The following FAM193A variants were observed in gnomAD, a reference collection of about 807,000 sequenced individuals.
FAM193A encodes the protein family with sequence similarity 193 member A.
A neutral mutation model predicts 126.5 loss-of-function variants in FAM193A; 22 were observed. The ratio of observed to expected loss-of-function variants is 0.17; its 90% CI spans 0.12 to 0.25. The LOEUF (loss-of-function observed/expected upper bound fraction) is 0.25. FAM193A is among the 10% of genes least tolerant of loss of function. The probability of loss-of-function intolerance (pLI) is 1.00; values close to 1 mark genes in which losing one functional copy is unlikely to be tolerated. For missense variants in FAM193A, 1,675 were observed against 1,672.8 expected, an observed-to-expected ratio of 1.00 and a Z score of -0.02; for synonymous variants, 761 against 646.8, an observed-to-expected ratio of 1.18 and a Z score of -2.68.
chr4:2,722,488 G>T (rs2109403531), intron 20 of FAM193A, among the ~76,000 whole-genome samples: 1 of 152,320 alleles, frequency 6.6e-6, no homozygotes, highest in Admixed American at 6.5e-5. Context: ...TGTCCAGAAG[G>T]GGCTGGGGGA....
chr4:2,658,590 C>A (rs1266573276), intron 8 of FAM193A, among the ~76,000 whole-genome samples: 1 of 152,174 alleles, frequency 6.6e-6, no homozygotes, highest in Non-Finnish European at 1.5e-5. Flanking sequence ...CTTCATTGGT[C>A]TTTCTGCAAA....
At chr4:2,625,788 G>A (rs1485159442) in intron 3 of FAM193A, among the ~76,000 whole-genome samples, 1 of 148,504 alleles carries the variant, frequency 6.7e-6, no homozygotes, top group African/African-American at 2.5e-5. Flanking sequence ...GGGCAGTGGC[G>A]TGATCTCCGC....
At chr4:2,594,830 T>TC in intron 1 of FAM193A, among the ~76,000 whole-genome samples, 1 of 129,968 alleles carries the variant, frequency 7.7e-6, no homozygotes, top group African/African-American at 3.0e-5. Flanking sequence ...CTTTTTTTTT[T>TC]TTTTTTTTTT....
chr4:2,652,873 G>A (rs1284250285), intron 7 of FAM193A, among the ~76,000 whole-genome samples: 4 of 152,214 alleles, frequency 2.6e-5, no homozygotes, highest in Non-Finnish European at 5.9e-5. Flanking sequence ...GAAAGAGAAG[G>A]AAGATGAACC....
rs756156530 is a variant in FAM193A, at chr4:2,662,876, A to T, written c.1784A>T (p.Lys595Ile). Residue 595 changes from lysine (K) to isoleucine (I), a missense_variant, in exon 11 of 21, where the codon AAA becomes ATA. Around this residue, in one of 4 missense-constraint regions of FAM193A, gnomAD observed 1,186 missense variants for 1,109.2 expected, o/e 1.07. Transcript: ENST00000637812. Reference sequence around the variant, plus strand: ...GAAGATGTTGCACCATTGTCAGCCAAATTTGCTGATATTTATCCATTGAGT... The same window carrying T: ...GAAGATGTTGCACCATTGTCAGCCATATTTGCTGATATTTATCCATTGAGT... The part of the protein sequence containing the change: ...DDEDVAPLSA[K>I]FADIYPLSNY... 2 of 1,611,884 alleles carry T rather than the reference A, an allele frequency of 1.2e-6. No individual in the cohort carries two copies.
chr4:2,730,399 G>C (rs1287558003), intron 20 of FAM193A, among the ~76,000 whole-genome samples: 2 of 152,130 alleles, frequency 1.3e-5, no homozygotes, highest in Non-Finnish European at 2.9e-5. Flanking sequence ...TTCTATAAAA[G>C]CTTCTTGGAG....
chr4:2,683,566 T>A (rs1577199759), intron 13 of FAM193A, among the ~76,000 whole-genome samples: 1 of 152,262 alleles, frequency 6.6e-6, no homozygotes, highest in Admixed American at 6.5e-5. Context: ...GTGCTGAGAT[T>A]ACAGGCATGA....
At chr4:2,543,074 C>T (rs1483287864) in intron 1 of FAM193A, among the ~76,000 whole-genome samples, 3 of 150,524 alleles carry the variant, frequency 2.0e-5, no homozygotes, top group South Asian at 2.1e-4. Flanking sequence ...ATCAACCTTG[C>T]GCTACCTCAG....
At chr4:2,648,160 A>G (rs1363181116) in intron 7 of FAM193A, among the ~76,000 whole-genome samples, 1 of 152,128 alleles carries the variant, frequency 6.6e-6, no homozygotes, top group African/African-American at 2.4e-5. Context: ...AAGTACTGGG[A>G]TTACATTTGT....
intron 18 of FAM193A, among the ~76,000 whole-genome samples, chr4:2,697,710 C>T (rs1577226041): frequency 6.6e-6 from 1 of 152,216 alleles, no homozygotes; most frequent in Non-Finnish European, 1.5e-5. Context: ...ACCTCGCAGT[C>T]CTACAGTAGA....
chr4:2,583,540 G>C (rs35123404), intron 1 of FAM193A, among the ~76,000 whole-genome samples: 4,759 of 152,054 alleles, frequency 0.031, 88 homozygotes, highest in South Asian at 0.072. Flanking sequence ...TGAGTTCTGC[G>C]CTACTGTCTT....
intron 19 of FAM193A, 59 bp downstream of exon 19, chr4:2,700,603 G>A: frequency 1.3e-6 from 2 of 1,556,256 alleles, no homozygotes; most frequent in Non-Finnish European, 1.7e-6. Flanking sequence ...CATGTGTGAT[G>A]TGCTAGTATA....
chr4:2,607,983 C>A, intron 2 of FAM193A: 1 of 1,569,084 alleles, frequency 6.4e-7, no homozygotes, highest in East Asian at 2.3e-5. Flanking sequence ...ACCAGGGCAG[C>A]CACTCACCAC....
intron 2 of FAM193A, among the ~76,000 whole-genome samples, chr4:2,614,282 T>C (rs1262919050): frequency 6.6e-6 from 1 of 152,186 alleles, no homozygotes; most frequent in East Asian, 1.9e-4. Flanking sequence ...ATAGATCAGA[T>C]TGAGGAAATT....
intron 2 of FAM193A, among the ~76,000 whole-genome samples, chr4:2,598,258 A>G (rs970843916): frequency 3.9e-5 from 6 of 152,206 alleles, no homozygotes; most frequent in African/African-American, 1.4e-4. Context: ...TGTAACTTGC[A>G]TAATGCTTTT....
At chr4:2,638,425 A>G (rs1030774295) in intron 5 of FAM193A, among the ~76,000 whole-genome samples, 11 of 152,150 alleles carry the variant, frequency 7.2e-5, no homozygotes, top group African/African-American at 2.7e-4. Flanking sequence ...TGCCACGTGC[A>G]TTTTTCCTGT....
intron 13 of FAM193A, among the ~76,000 whole-genome samples, chr4:2,680,197 A>G (rs1389077909): frequency 1.3e-5 from 2 of 152,104 alleles, no homozygotes; most frequent in East Asian, 3.9e-4. Context: ...CAATCTCCTT[A>G]CTAGTTACAG....
rs575066489 is a variant in FAM193A at position 2,711,888 on chromosome 4, C to T, written c.4373-4135C>T. On this transcript the variant is annotated intron_variant, in intron 19 of 20. Transcript: ENST00000637812. ...GTTGTGGTGAGCTGAGATGGTGCTGCTGCACTCCAGCCTGGGAGACAGAGC... is the reference window on the plus strand; with the variant it reads ...GTTGTGGTGAGCTGAGATGGTGCTGTTGCACTCCAGCCTGGGAGACAGAGC... 5.3e-5 allele frequency among the ~76,000 whole-genome samples: 8 copies of T among 152,194 alleles called. No individual in the cohort carries two copies. The East Asian group carries it at 1.2e-3, about 22-fold the overall frequency.
chr4:2,716,722 G>T (rs1211000617), intron 20 of FAM193A, among the ~76,000 whole-genome samples: 2 of 152,146 alleles, frequency 1.3e-5, no homozygotes, highest in Non-Finnish European at 2.9e-5. Context: ...TATCACCCAG[G>T]CTGGAGTGCA....
Sources: gnomAD v4.1 joint callset for allele counts (sites outside exome capture counted in the v4.1 genomes callset) on GRCh38, gnomAD v4.1.1 for gene constraint, gnomAD v4.1.1 regional missense constraint, MANE v1.5 for transcripts, NCBI Gene and HGNC (gene_info 2026-07-23, HGNC 2026-07-21) for gene names.